The following PLD2 variants were observed in gnomAD, a reference collection of about 807,000 sequenced individuals.
The protein encoded by PLD2 is phospholipase D2.
Under a neutral mutation model 119.8 loss-of-function variants are expected in PLD2, and 101 were observed. The observed-to-expected ratio is 0.84, with a 90% CI of 0.72 to 0.99. The LOEUF is 0.99. Among genes scored for constraint, PLD2 ranks in the 50% least tolerant of loss-of-function variants. The probability of loss-of-function intolerance (pLI) is 0.00; values close to 1 mark genes in which losing one functional copy is unlikely to be tolerated. For missense variants in PLD2, 1,164 were observed against 1,226.8 expected (o/e 0.95, Z 0.76); for synonymous variants, 494 against 482.8 (o/e 1.02, Z -0.30).
intron 23 of PLD2, among the ~76,000 whole-genome samples, chr17:4,820,868 G>T (rs1271304408): frequency 1.4e-5 from 2 of 146,508 alleles, no homozygotes; most frequent in African/African-American, 2.5e-5. Flanking sequence ...GAGCCACCAC[G>T]CCCGGCCAAA....
chr17:4,817,190 T>C lies in PLD2; in HGVS notation c.1746T>C (p.Leu582=). ...KYKTPTYPYL[L]PKSTSTANQL... ...AGACTCCCACATACCCCTACCTGCT[T>C]CCCAAGTCTACCAGCACGGCCAATC... The change falls in exon 17 of 25, where the codon CTT becomes CTC. Residue 582 remains leucine (L), a synonymous_variant. Transcript: ENST00000263088. The C allele has an allele frequency of 6.2e-7, 1 of 1,613,968 alleles. No individual in the cohort carries two copies. Among genetic ancestry groups the C allele is most frequent in the Non-Finnish European group, 8.5e-7 (1 of 1,179,916 alleles).
intron 9 of PLD2, among the ~76,000 whole-genome samples, chr17:4,810,410 C>G (rs749609454): frequency 3.9e-5 from 6 of 151,922 alleles, no homozygotes; most frequent in Admixed American, 1.3e-4. Context: ...TTTGGGAGGC[C>G]GAGGCGGGTG....
At chr17:4,812,570 G>A (rs538211817) in intron 10 of PLD2, among the ~76,000 whole-genome samples, 1 of 152,274 alleles carries the variant, frequency 6.6e-6, no homozygotes, top group South Asian at 2.1e-4. Flanking sequence ...TGGGATTACA[G>A]GCTTGAGCCA....
intron 6 of PLD2, 24 bp from the exon 7 acceptor site, chr17:4,809,469 C>G: frequency 6.2e-6 from 10 of 1,608,532 alleles, no homozygotes; most frequent in Admixed American, 1.7e-5. Flanking sequence ...GGTGTCTCCT[C>G]CGGGCTTTTG....
In PLD2 at chr17:4,822,719, C is replaced by T. The variant is rs201213709; in HGVS notation, c.2657C>T (p.Thr886Met). 1.1e-4 allele frequency: 179 copies of T among 1,614,020 alleles called. No homozygotes were observed. Among genetic ancestry groups the T allele is most frequent in the Admixed American group, 2.0e-4 (12 of 60,022 alleles). ...REYVAVEPLATVSPPLARSEL... is the reference protein window; with the variant it reads ...REYVAVEPLAMVSPPLARSEL... ...TACGTGGCCGTGGAGCCCTTGGCCA[C>T]GGTCAGTCCCCCCTTGGCTCGGTCT... Residue 886 changes from threonine (T) to methionine (M), a missense_variant, in exon 25 of 25, where the codon ACG (threonine) becomes ATG (methionine). Thr to Met is a moderately conservative substitution (Grantham distance 81). Transcript: ENST00000263088.
chr17:4,807,748 C>G lies in PLD2; in HGVS notation c.-1-24C>G. On this transcript the variant is annotated intron_variant, in intron 1 of 24. Transcript: ENST00000263088. The surrounding 1 kb of genome is among the most constrained non-coding windows in gnomAD (Gnocchi z 5.4). The stretch of plus-strand genomic sequence containing the variant: ...CGGGTTCTGCAGGACAGCTCGCCTC[C>G]CTGAGGCTTCCCAATGTTCCTAGGA... 7.1e-7 allele frequency: 1 copy of G among 1,404,946 alleles called. No homozygotes were observed. The highest frequency in any genetic ancestry group is 1.0e-6 in the Non-Finnish European group (1 of 1,001,450). 87.0% of individuals were successfully genotyped at this position (1,404,946 alleles called of 1,614,324 possible). A position where few individuals can be genotyped will look rare whatever the true frequency, so the allele number is the denominator to read the frequency against.
chr17:4,810,176 T>C, intron 9 of PLD2, 147 bp downstream of exon 9: 1 of 789,418 alleles, frequency 1.3e-6, no homozygotes. Flanking sequence ...GGAACTGGTC[T>C]AGCCAGATGC....
intron 9 of PLD2, among the ~76,000 whole-genome samples, chr17:4,810,230 G>C (rs1283892337): frequency 6.6e-6 from 1 of 152,214 alleles, no homozygotes; most frequent in African/African-American, 2.4e-5. Context: ...GGGATTAGTA[G>C]AAGCCTGGGA....
rs370879009 is a variant in PLD2 at position 4,815,595 on chromosome 17, C to T, written c.1284+9C>T. ...TGCACCCCAACATAAAGGTGACTCT[C>T]GGCCTCAGAGACCCTCCCACATGAC... On this transcript the variant is annotated intron_variant, in intron 13 of 24. Coordinates refer to ENST00000263088, the MANE Select transcript of PLD2 (RefSeq NM_002663.5). The T allele has an allele frequency of 7.5e-6, 12 of 1,606,626 alleles. No homozygotes were observed. Among genetic ancestry groups the T allele is most frequent in the Middle Eastern group, 1.7e-4 (1 of 5,822 alleles).
intron 23 of PLD2, among the ~76,000 whole-genome samples, chr17:4,820,867 C>T (rs184500150): frequency 1.9e-3 from 259 of 133,014 alleles, no homozygotes; most frequent in East Asian, 7.6e-3. Flanking sequence ...TGAGCCACCA[C>T]GCCCGGCCAA....
intron 21 of PLD2, 112 bp downstream of exon 21, chr17:4,818,935 G>A (rs1000257454): frequency 2.4e-5 from 36 of 1,479,570 alleles, no homozygotes; most frequent in African/African-American, 2.2e-4. Flanking sequence ...AGCCTCTGAC[G>A]CTACGCAGAC....
rs375642783 is a variant in PLD2 at position 4,815,526 on chromosome 17, C to T, written c.1224C>T (p.Ala408=). 1.9e-6 allele frequency: 3 copies of T among 1,613,772 alleles called. No homozygotes were observed. The highest frequency in any genetic ancestry group is 1.7e-6 in the Non-Finnish European group (2 of 1,179,796). ...SILLFKEVEL[A]LGINSGYSKR... ...TGCTGTTTAAAGAAGTGGAATTGGC[C>T]TTGGGCATCAACAGTGGCTATAGCA... The change falls in exon 13 of 25, where the codon GCC becomes GCT. Residue 408 remains alanine, a synonymous_variant. Coordinates refer to ENST00000263088, the MANE Select transcript of PLD2 (RefSeq NM_002663.5).
In PLD2 at chr17:4,819,310, C is replaced by T. The variant is rs879334194; in HGVS notation, c.2308+92C>T. 9.4e-6 allele frequency: 15 copies of T among 1,592,962 alleles called. No individual in the cohort carries two copies. In the Admixed American group the frequency reaches 1.4e-4, roughly 14 times the overall value. ...GATGACAGAGACTGCAGCTGAGGCT[C>T]GTGTAGGGGTGGAGGGTCCAAGAAG... On this transcript the variant is annotated intron_variant, in intron 22 of 24. Transcript: ENST00000263088. The surrounding 1 kb of genome is among the most constrained non-coding windows in gnomAD (Gnocchi z 4.2).
chr17:4,814,384 C>T, intron 10 of PLD2, 34 bp from the exon 11 acceptor site: 1 of 1,585,866 alleles, frequency 6.3e-7, no homozygotes, highest in Non-Finnish European at 8.6e-7. Context: ...TGGCTTCTGA[C>T]TCCCCTGACC....
chr17:4,812,662 G>A (rs1567527933), intron 10 of PLD2, among the ~76,000 whole-genome samples: 1 of 152,158 alleles, frequency 6.6e-6, no homozygotes, highest in Non-Finnish European at 1.5e-5. Context: ...CTGTGGCAGG[G>A]TATGGGGAAA....
chr17:4,814,564 G>A (rs1906782266), intron 11 of PLD2, 63 bp downstream of exon 11: 3 of 1,612,928 alleles, frequency 1.9e-6, no homozygotes, highest in Admixed American at 3.3e-5. Context: ...TCAGCATTAG[G>A]AGGAGAAGGG....
At chr17:4,812,793 G>A (rs1449370166) in intron 10 of PLD2, among the ~76,000 whole-genome samples, 3 of 152,172 alleles carry the variant, frequency 2.0e-5, no homozygotes, top group Non-Finnish European at 2.9e-5. Context: ...AACTATACAA[G>A]ATAAAGAAAA....
In PLD2 at chr17:4,819,674, C is replaced by A; in HGVS notation, c.2462+92C>A. ...AGAGGTAGCACCGCATAGGTACTCCCGGAGCCAGAGGTAGAGGCAGTACTA... is the reference window on the plus strand; with the variant it reads ...AGAGGTAGCACCGCATAGGTACTCCAGGAGCCAGAGGTAGAGGCAGTACTA... On this transcript the variant is annotated intron_variant, in intron 23 of 24. Coordinates refer to ENST00000263088, the MANE Select transcript of PLD2 (RefSeq NM_002663.5). This position sits in a 1 kb window ranked among gnomAD's most constrained non-coding sequence, Gnocchi z 4.2. 1 of 1,254,712 alleles carries A rather than the reference C, an allele frequency of 8.0e-7. No individual in the cohort carries two copies. The highest frequency in any genetic ancestry group is 1.1e-6 in the Non-Finnish European group (1 of 907,852). 77.7% of individuals were successfully genotyped at this position (1,254,712 alleles called of 1,614,324 possible).
In PLD2 at chr17:4,817,044, A is replaced by T; in HGVS notation, c.1690A>T (p.Asn564Tyr). The change falls in exon 16 of 25, where the codon AAC (asparagine) becomes TAC (tyrosine). Residue 564 changes from asparagine to tyrosine, a missense_variant. Coordinates refer to ENST00000263088, the MANE Select transcript of PLD2 (RefSeq NM_002663.5). ...DLARHFIQRW[N>Y]FTKTTKAKYK... ...TGCCCGGCACTTCATCCAGCGCTGG[A>T]ACTTCACCAAGGTGTTCATTCCCTC... The T allele has an allele frequency of 6.2e-7, 1 of 1,613,624 alleles. No individual in the cohort carries two copies. The highest frequency in any genetic ancestry group is 8.5e-7 in the Non-Finnish European group (1 of 1,179,676).
Sources: allele counts gnomAD v4.1 joint callset (sites outside exome capture counted in the v4.1 genomes callset), GRCh38; gene constraint gnomAD v4.1.1; non-coding constraint Gnocchi (gnomAD v3.1); transcripts MANE v1.5; gene names NCBI Gene and HGNC (gene_info 2026-07-23, HGNC 2026-07-21).